The following TUBGCP3 variants were observed in gnomAD, a reference collection of about 807,000 sequenced individuals.
The protein encoded by TUBGCP3 is tubulin gamma complex component 3.
TUBGCP3 carries 50 observed loss-of-function variants against 123.1 expected under a neutral mutation model. That is an observed-to-expected ratio of 0.41 (90% CI 0.32 to 0.51). TUBGCP3 has a LOEUF of 0.51. Ranked by LOEUF, TUBGCP3 falls within the 20% of genes least tolerant of loss-of-function variation. The pLI, the probability that TUBGCP3 is intolerant of heterozygous loss-of-function variation, is 0.36. For synonymous variants in TUBGCP3, 405 were observed against 413.9 expected, an observed-to-expected ratio of 0.98 and a Z score of 0.26; for missense variants, 882 against 1,127.0, an observed-to-expected ratio of 0.78 and a Z score of 3.11.
chr13:112,576,419 A>C (rs1174954669), intron 1 of TUBGCP3, among the ~76,000 whole-genome samples: 2 of 152,202 alleles, frequency 1.3e-5, no homozygotes. Flanking sequence ...CCTAACACAC[A>C]GCATGGGGAC....
intron 17 of TUBGCP3, among the ~76,000 whole-genome samples, chr13:112,506,672 T>C (rs1165719113): frequency 6.6e-6 from 1 of 152,210 alleles, no homozygotes; most frequent in Non-Finnish European, 1.5e-5. Flanking sequence ...GGGTTCAGCT[T>C]TGAGGTTCAT....
Position 112,588,051 on chromosome 13 carries a change from C to G in TUBGCP3, c.-71G>C. The G allele has an allele frequency of 7.9e-7, 1 of 1,265,888 alleles. No individual in the cohort carries two copies. The highest frequency in any genetic ancestry group is 1.0e-6 in the Non-Finnish European group (1 of 971,558). The allele number at this position is 1,265,888 out of a possible 1,614,324, so 78.4% of individuals were successfully genotyped here. The stretch of plus-strand genomic sequence containing the variant: ...CCGCCGCACGCGCAGGGACCGCGGC[C>G]CGCGCCCTTCCTGCGCCCCGCAAGC... On this transcript the variant is annotated 5_prime_UTR_variant, in exon 1 of 22. Coordinates refer to ENST00000261965, the MANE Select transcript of TUBGCP3 (RefSeq NM_006322.6).
At position 112,554,883 on chromosome 13, in the gene TUBGCP3, G is replaced by A. The variant is rs777468322; in HGVS notation, c.840+4C>T. On this transcript the variant is annotated splice_donor_region_variant and intron_variant, in intron 7 of 21. Transcript: ENST00000261965. ...ATTTTAACTTAGATTTTATGTTACT[G>A]TACCTTTCCTTCTACTTTGTAACAA... 21 of 1,576,644 alleles carry A rather than the reference G, an allele frequency of 1.3e-5. No individual in the cohort carries two copies. The highest frequency in any genetic ancestry group is 1.8e-5 in the Non-Finnish European group (21 of 1,154,358).
chr13:112,508,720 C>T lies in TUBGCP3; in HGVS notation c.2087-4006G>A, dbSNP rs553302701. ...GCGTATTTGAATGGAATCACTATCC[C>T]CCCCAAAGAAGCTCTTCCTCCAGTG... On this transcript the variant is annotated intron_variant, in intron 17 of 21. Transcript: ENST00000261965. The surrounding 1 kb of genome is among the most constrained non-coding windows in gnomAD (Gnocchi z 4.2). Among the ~76,000 whole-genome samples, 1 of 152,232 alleles carries T rather than the reference C, an allele frequency of 6.6e-6. No homozygotes were observed. Among genetic ancestry groups the T allele is most frequent in the South Asian group, 2.1e-4 (1 of 4,820 alleles).
At position 112,518,239 on chromosome 13, in the gene TUBGCP3, G is replaced by A. The variant is rs73566353; in HGVS notation, c.1950+736C>T. Among the ~76,000 whole-genome samples, 1,024 of 152,234 alleles carry A rather than the reference G, an allele frequency of 6.7e-3. 7 individuals carry two copies. The highest frequency in any genetic ancestry group is 0.023 in the African/African-American group (966 of 41,528). On this transcript the variant is annotated intron_variant, in intron 16 of 21. Transcript: ENST00000261965. The stretch of plus-strand genomic sequence containing the variant: ...CAGCGTGATATGCACCCTGAGAGGC[G>A]GGAAAACAGCACGAAGCAGGCTCTA...
At chr13:112,595,289 C>T in the TUBGCP3 span, among the ~76,000 whole-genome samples, 18 of 152,148 alleles carry the variant, frequency 1.2e-4, no homozygotes, top group African/African-American at 2.6e-4. Flanking sequence ...CTCCACCTCC[C>T]GGGTTCACAC....
intron 1 of TUBGCP3, among the ~76,000 whole-genome samples, chr13:112,578,555 T>A: frequency 1.6e-5 from 1 of 61,718 alleles, no homozygotes; most frequent in Non-Finnish European, 2.6e-5. Flanking sequence ...TGAGACTCCG[T>A]CTCAAAAAAA....
intron 8 of TUBGCP3, among the ~76,000 whole-genome samples, chr13:112,550,510 G>T (rs1368397942): frequency 7.2e-5 from 11 of 152,168 alleles, no homozygotes; most frequent in Admixed American, 6.5e-4. Context: ...CAGACCAGGG[G>T]GTAAAAATCC....
intron 20 of TUBGCP3, among the ~76,000 whole-genome samples, chr13:112,493,601 G>GC (rs1880290553): frequency 6.9e-6 from 1 of 145,402 alleles, no homozygotes; most frequent in Non-Finnish European, 1.5e-5. Context: ...GGCCTGGTGT[G>GC]CCTGAGATGC....
rs1019984876 is a variant in TUBGCP3 at position 112,486,036 on chromosome 13, C to T, written c.2681G>A (p.Arg894His). The T allele has an allele frequency of 7.5e-6, 12 of 1,608,550 alleles. No homozygotes were observed. Among genetic ancestry groups the T allele is most frequent in the African/African-American group, 1.3e-5 (1 of 74,910 alleles). Residue 894 changes from arginine to histidine, a missense_variant, in exon 22 of 22, where the codon CGT becomes CAT. This residue lies in a region of TUBGCP3 where 160 missense variants were observed against 220.3 expected (regional missense o/e 0.73). Transcript: ENST00000261965. ...CCGCCCCCTGGTACCCAGAGACACA[C>T]GGAGCCTGGGCTCCCTGGCTTTGTA... Reference protein sequence around the residue: ...EHYKAREPRLRVSLGTRGRRS... With the variant: ...EHYKAREPRLHVSLGTRGRRS...
intron 17 of TUBGCP3, among the ~76,000 whole-genome samples, chr13:112,513,932 T>C (rs1875850112): frequency 6.6e-6 from 1 of 152,176 alleles, no homozygotes; most frequent in African/African-American, 2.4e-5. Flanking sequence ...TGAGTAGTGA[T>C]GAAATCTCAC....
the TUBGCP3 span, among the ~76,000 whole-genome samples, chr13:112,597,251 C>T: frequency 2.6e-5 from 4 of 152,168 alleles, no homozygotes; most frequent in African/African-American, 7.2e-5. Flanking sequence ...ACAGACTAAG[C>T]TGTAAATAGA....
At chr13:112,576,736 C>G (rs959148986) in intron 1 of TUBGCP3, among the ~76,000 whole-genome samples, 2 of 151,786 alleles carry the variant, frequency 1.3e-5, no homozygotes, top group East Asian at 3.9e-4. Flanking sequence ...CACAACATAT[C>G]AAAATATGTG....
chr13:112,590,165 A>G (rs943681913), upstream of TUBGCP3, among the ~76,000 whole-genome samples: 1 of 151,822 alleles, frequency 6.6e-6, no homozygotes, highest in Admixed American at 6.6e-5. Context: ...TTTAGTAGAG[A>G]CGGGGTTACA....
chr13:112,538,111 T>C (rs1335059612), intron 11 of TUBGCP3, among the ~76,000 whole-genome samples: 1 of 152,206 alleles, frequency 6.6e-6, no homozygotes, highest in Non-Finnish European at 1.5e-5. Context: ...ACTTTGAAGA[T>C]TTGCTCTGTC....
the TUBGCP3 span, among the ~76,000 whole-genome samples, chr13:112,594,196 A>G: frequency 3.3e-5 from 5 of 152,256 alleles, no homozygotes; most frequent in South Asian, 1.0e-3. Flanking sequence ...TACCAAAGCC[A>G]GGCAAACACA....
chr13:112,521,845 A>G (rs1876651649), intron 14 of TUBGCP3: 2 of 985,432 alleles, frequency 2.0e-6, no homozygotes, highest in Non-Finnish European at 2.4e-6. Flanking sequence ...GAACTTGTGG[A>G]GAAGGACATA....
intron 1 of TUBGCP3, among the ~76,000 whole-genome samples, chr13:112,572,120 T>C (rs9577817): frequency 0.15 from 22,995 of 152,206 alleles, 2,064 homozygotes; most frequent in Non-Finnish European, 0.21. Context: ...CAATCACAAC[T>C]TGACTAACTG....
intron 21 of TUBGCP3, among the ~76,000 whole-genome samples, chr13:112,487,509 A>G (rs184348753): frequency 7.9e-5 from 12 of 152,352 alleles, no homozygotes; most frequent in African/African-American, 2.9e-4. Context: ...AAATAAGCAC[A>G]CAGACAAATC....
Sources: allele counts gnomAD v4.1 joint callset (sites outside exome capture counted in the v4.1 genomes callset), GRCh38; gene constraint gnomAD v4.1.1; regional missense constraint gnomAD v4.1.1; non-coding constraint Gnocchi (gnomAD v3.1); transcripts MANE v1.5; gene names NCBI Gene and HGNC (gene_info 2026-07-23, HGNC 2026-07-21).